TNKS1BP1: variants seen among roughly 807,000 people sequenced by gnomAD.
TNKS1BP1 encodes CCR4-NOT transcription complex subunit 12, also known as 182 kDa tankyrase-1-binding protein.
A neutral mutation model predicts 141.1 loss-of-function variants in TNKS1BP1; 48 were observed. The observed-to-expected ratio is 0.34, with a 90% confidence interval of 0.27 to 0.43. The LOEUF (loss-of-function observed/expected upper bound fraction) is 0.43. Ranked by LOEUF, TNKS1BP1 falls within the 20% of genes least tolerant of loss-of-function variation. TNKS1BP1 has a pLI of 1.00. For missense variants in TNKS1BP1, 2,149 were observed against 2,226.0 expected, an observed-to-expected ratio of 0.97 and a Z score of 0.70; for synonymous variants, 875 against 898.2, an observed-to-expected ratio of 0.97 and a Z score of 0.46.
rs1248516491 is a variant in TNKS1BP1, at chr11:57,309,378, C to G, written c.3333G>C (p.Arg1111=). ...TCTCACTGGCCTCGATGCAGAAGTCCCGGCTCCAGTCCTGCTGCCCTGGGC... is the reference window on the plus strand; with the variant it reads ...TCTCACTGGCCTCGATGCAGAAGTCGCGGCTCCAGTCCTGCTGCCCTGGGC... The part of the protein sequence containing the change: ...AFSPGQQDWS[R]DFCIEASERS... Residue 1111 remains arginine (R), a synonymous_variant, in exon 6 of 12, where the codon CGG becomes CGC. Coordinates refer to ENST00000358252, the MANE Select transcript of TNKS1BP1 (RefSeq NM_033396.3). This position sits in a 1 kb window ranked among gnomAD's most constrained non-coding sequence, Gnocchi z 4.3. The G allele has an allele frequency of 6.2e-7, 1 of 1,614,182 alleles. No individual in the cohort carries two copies. Among genetic ancestry groups the G allele is most frequent in the Non-Finnish European group, 8.5e-7 (1 of 1,180,034 alleles).
In TNKS1BP1 at chr11:57,302,330, C is replaced by T. The variant is rs1180377950; in HGVS notation, c.4684-106G>A. ...GACCCCTCCTGCAGCCGGAGCTTCA[C>T]GTTCACGTGACGCACCTACAACCCG... On this transcript the variant is annotated intron_variant, in intron 7 of 11. Transcript: ENST00000358252. This position sits in a 1 kb window ranked among gnomAD's most constrained non-coding sequence, Gnocchi z 5.5. The T allele has an allele frequency of 3.6e-5, 55 of 1,538,620 alleles. No homozygotes were observed. Among genetic ancestry groups the T allele is most frequent in the African/African-American group, 1.4e-5 (1 of 73,512 alleles).
Position 57,308,508 on chromosome 11 carries a change from A to C in TNKS1BP1, c.4203T>G (p.Val1401=). ...RDPLEARELG[V]GETSGPETQG... is the part of the protein sequence containing the mutation. ...GGGTCTCTGGCCCACTTGTCTCACC[A>C]ACCCCCAGCTCCCTGGCCTCCAAGG... Residue 1401 remains valine, a synonymous_variant, in exon 6 of 12, where the codon GTT becomes GTG. Coordinates refer to ENST00000358252, the MANE Select transcript of TNKS1BP1 (RefSeq NM_033396.3). 1 of 1,614,152 alleles carries C rather than the reference A, an allele frequency of 6.2e-7. No individual in the cohort carries two copies. The highest frequency in any genetic ancestry group is 2.2e-5 in the East Asian group (1 of 44,880).
intron 2 of TNKS1BP1, 35 bp from the exon 3 acceptor site, chr11:57,320,747 A>G (rs377148745): frequency 6.6e-7 from 1 of 1,516,228 alleles, no homozygotes; most frequent in Non-Finnish European, 8.8e-7. Context: ...GGGAGCTGTC[A>G]GAAGAACCAG....
chr11:57,320,031 C>CCCAG, intron 3 of TNKS1BP1, 48 bp downstream of exon 3: 1 of 1,558,798 alleles, frequency 6.4e-7, no homozygotes, highest in African/African-American at 1.4e-5. Context: ...AATCCCACCC[C>CCCAG]ACCTGACCTC....
Position 57,302,647 on chromosome 11 carries a change from G to T in TNKS1BP1, c.4495C>A (p.Pro1499Thr). ...AGAAQEEVLEPGRDSPPSWRP... is the reference protein window; with the variant it reads ...AGAAQEEVLETGRDSPPSWRP... Reference sequence around the variant, plus strand: ...CAGGAGGGTGGAGAGTCCCTGCCAGGCTCCAGCACCTCCTCTTGGGCAGCA... The same window carrying T: ...CAGGAGGGTGGAGAGTCCCTGCCAGTCTCCAGCACCTCCTCTTGGGCAGCA... The change falls in exon 7 of 12, where the codon CCT becomes ACT. Residue 1499 changes from proline (P) to threonine (T), a missense_variant. Pro to Thr is a conservative substitution (Grantham distance 38). Coordinates refer to ENST00000358252, the MANE Select transcript of TNKS1BP1 (RefSeq NM_033396.3). The surrounding 1 kb of genome is among the most constrained non-coding windows in gnomAD (Gnocchi z 5.5). 6.2e-7 allele frequency: 1 copy of T among 1,610,406 alleles called. No individual in the cohort carries two copies.
chr11:57,313,745 A>G lies in TNKS1BP1; in HGVS notation c.943T>C (p.Ser315Pro). 1 of 1,600,102 alleles carries G rather than the reference A, an allele frequency of 6.2e-7. No homozygotes were observed. Residue 315 changes from serine (S) to proline (P), a missense_variant, in exon 5 of 12, where the codon TCA becomes CCA. Ser to Pro is a moderately conservative substitution (Grantham distance 74). Coordinates refer to ENST00000358252, the MANE Select transcript of TNKS1BP1 (RefSeq NM_033396.3). ...HPPDKSSPCH[S>P]QLLEAQTPEA... Reference sequence around the variant, plus strand: ...GGAGTCTGGGCTTCCAGAAGCTGTGAGTGGCAGGGAGAACTCTTATCAGGC... The same window carrying G: ...GGAGTCTGGGCTTCCAGAAGCTGTGGGTGGCAGGGAGAACTCTTATCAGGC...
intron 1 of TNKS1BP1, 94 bp downstream of exon 1, chr11:57,324,746 T>G: frequency 1.0e-6 from 1 of 973,616 alleles, no homozygotes; most frequent in Non-Finnish European, 1.2e-6. Context: ...CAACCCGAGG[T>G]GTCGGCTGGA....
intron 5 of TNKS1BP1, chr11:57,311,492 C>G (rs1303234090): frequency 7.1e-6 from 7 of 985,362 alleles, no homozygotes; most frequent in Non-Finnish European, 7.2e-6. Context: ...CACCCTGGCC[C>G]TGCTCCCTCC....
At chr11:57,316,007 T>C (rs1049298700) in intron 4 of TNKS1BP1, among the ~76,000 whole-genome samples, 4 of 152,008 alleles carry the variant, frequency 2.6e-5, no homozygotes, top group Non-Finnish European at 5.9e-5. Context: ...CTAGCTACCA[T>C]CCATTTTCTT....
In TNKS1BP1 at chr11:57,308,380, G is replaced by A; in HGVS notation, c.4316+15C>T. ...ATGTTCCCTCCCACACTTGGGATGG[G>A]GCTCCGTTCATTACCTTGCTCCGAA... On this transcript the variant is annotated intron_variant, in intron 6 of 11. Transcript: ENST00000358252. 1 of 1,599,078 alleles carries A rather than the reference G, an allele frequency of 6.3e-7. No homozygotes were observed. The highest frequency in any genetic ancestry group is 8.5e-7 in the Non-Finnish European group (1 of 1,169,744).
intron 6 of TNKS1BP1, among the ~76,000 whole-genome samples, chr11:57,305,291 G>A (rs979611676): frequency 6.6e-6 from 1 of 152,218 alleles, no homozygotes; most frequent in Admixed American, 6.5e-5. Flanking sequence ...AACTGTTCTA[G>A]TTTGTTGGCA....
Position 57,312,551 on chromosome 11 carries a change from G to C in TNKS1BP1, c.2137C>G (p.Pro713Ala). The C allele has an allele frequency of 6.7e-7, 1 of 1,497,926 alleles. No homozygotes were observed. 92.8% of individuals were successfully genotyped at this position (1,497,926 alleles called of 1,614,324 possible). ...AGAELKDTQS[P>A]STCSEGLLGW... Reference sequence around the variant, plus strand: ...ATTCTCACCTCAGAGCAGGTACTTGGGGACTGTGTGTCCTTCAGCTCAGCT... The same window carrying C: ...ATTCTCACCTCAGAGCAGGTACTTGCGGACTGTGTGTCCTTCAGCTCAGCT... The change falls in exon 5 of 12, where the codon CCA becomes GCA. Residue 713 changes from proline (P) to alanine (A), a missense_variant. By Grantham distance (27) the Pro-to-Ala change is conservative. Transcript: ENST00000358252.
chr11:57,320,393 G>A lies in TNKS1BP1; in HGVS notation c.414C>T (p.Ala138=), dbSNP rs1855866411. The A allele has an allele frequency of 6.2e-7, 1 of 1,612,686 alleles. No individual in the cohort carries two copies. The highest frequency in any genetic ancestry group is 1.3e-5 in the African/African-American group (1 of 74,898). Residue 138 remains alanine, a synonymous_variant, in exon 3 of 12, where the codon GCC becomes GCT. Coordinates refer to ENST00000358252, the MANE Select transcript of TNKS1BP1 (RefSeq NM_033396.3). ...PPLTPPARCA[A]PGGVRKAPAP... ...CAGGGGCCTTCCGTACACCCCCTGG[G>A]GCTGCACATCGAGCTGGGGGTGTCA...
At chr11:57,311,050 C>T (rs1361430924) in intron 5 of TNKS1BP1, among the ~76,000 whole-genome samples, 2 of 152,176 alleles carry the variant, frequency 1.3e-5, no homozygotes, top group Non-Finnish European at 2.9e-5. Context: ...CCATCTGACC[C>T]CCATCCTCCT....
intron 4 of TNKS1BP1, among the ~76,000 whole-genome samples, chr11:57,315,028 G>A (rs755284822): frequency 3.3e-5 from 5 of 152,032 alleles, no homozygotes; most frequent in Non-Finnish European, 5.9e-5. Context: ...CATAACCGCT[G>A]CATCACTGCA....
Position 57,320,399 on chromosome 11 carries a change from A to T in TNKS1BP1, c.408T>A (p.Cys136Ter), listed in dbSNP as rs1431008436. The T allele has an allele frequency of 1.9e-6, 3 of 1,612,410 alleles. No homozygotes were observed. Among genetic ancestry groups the T allele is most frequent in the Non-Finnish European group, 8.5e-7 (1 of 1,178,752 alleles). ...CCTTCCGTACACCCCCTGGGGCTGC[A>T]CATCGAGCTGGGGGTGTCAAAGGGG... The part of the protein sequence containing the change: ...EPPPLTPPAR[C>*]AAPGGVRKAP... The change falls in exon 3 of 12, where the codon TGT becomes TGA. Residue 136 changes from cysteine (C) to a stop codon, truncating the protein, a stop_gained. Transcript: ENST00000358252. LOFTEE classifies it high-confidence loss of function.
Position 57,318,000 on chromosome 11 carries a change from C to T in TNKS1BP1, c.729-113G>A, listed in dbSNP as rs1436757329. The T allele has an allele frequency of 4.2e-6, 4 of 954,514 alleles. No homozygotes were observed. In the African/African-American group the frequency reaches 6.5e-5, roughly 15 times the overall value. 59.1% of individuals were successfully genotyped at this position (954,514 alleles called of 1,614,324 possible). A position where few individuals can be genotyped will look rare whatever the true frequency, so the allele number is the denominator to read the frequency against. On this transcript the variant is annotated intron_variant, in intron 3 of 11. Transcript: ENST00000358252. ...TTTAACAGCACCCAAAGGTTAAACCCTCCTAGCCATTTACTCTTGAGCCCT... is the reference window on the plus strand; with the variant it reads ...TTTAACAGCACCCAAAGGTTAAACCTTCCTAGCCATTTACTCTTGAGCCCT...
chr11:57,310,143 G>A lies in TNKS1BP1; in HGVS notation c.2568C>T (p.Ser856=). The A allele has an allele frequency of 1.1e-5, 17 of 1,614,128 alleles. No individual in the cohort carries two copies. Among genetic ancestry groups the A allele is most frequent in the Non-Finnish European group, 1.4e-5 (16 of 1,180,024 alleles). Residue 856 remains serine, a synonymous_variant, in exon 6 of 12, where the codon TCC becomes TCT. Coordinates refer to ENST00000358252, the MANE Select transcript of TNKS1BP1 (RefSeq NM_033396.3). Reference sequence around the variant, plus strand: ...GGTCCTGGAGTTCTGCATCCCGGCTGGAGTAAGTGCCCTGGGAATCCCTCT... The same window carrying A: ...GGTCCTGGAGTTCTGCATCCCGGCTAGAGTAAGTGCCCTGGGAATCCCTCT... The part of the protein sequence containing the change: ...FRKRDSQGTY[S]SRDAELQDQE...
rs760016734 is a variant in TNKS1BP1, at chr11:57,312,737, C to G, written c.1951G>C (p.Val651Leu). 6.3e-7 allele frequency: 1 copy of G among 1,585,648 alleles called. No homozygotes were observed. The highest frequency in any genetic ancestry group is 2.2e-5 in the East Asian group (1 of 44,538). The stretch of plus-strand genomic sequence containing the variant: ...GTGGTCTCAGCCCGGGCTAGGGTCA[C>G]GGCCTCCTCCTCAACAGGCAGTGCC... ...GQALPVEEEAVTLARAETTQA... is the reference protein window; with the variant it reads ...GQALPVEEEALTLARAETTQA... Residue 651 changes from valine to leucine, a missense_variant, in exon 5 of 12, where the codon GTG becomes CTG. By Grantham distance (32) the Val-to-Leu change is conservative. Transcript: ENST00000358252.
Sources: allele counts gnomAD v4.1 joint callset (sites outside exome capture counted in the v4.1 genomes callset), GRCh38; gene constraint gnomAD v4.1.1; non-coding constraint Gnocchi (gnomAD v3.1); transcripts MANE v1.5; gene names NCBI Gene and HGNC (gene_info 2026-07-23, HGNC 2026-07-21).